The following STXBP5L variants were observed in gnomAD, a reference collection of about 807,000 sequenced individuals.
The protein encoded by STXBP5L is syntaxin-binding protein 5-like.
A neutral mutation model predicts 144.5 loss-of-function variants in STXBP5L; 65 were observed. The observed-to-expected ratio is 0.45, with a 90% CI of 0.37 to 0.55. The LOEUF (loss-of-function observed/expected upper bound fraction) is 0.55, where lower values mean the gene tolerates loss of function less well. Ranked by LOEUF, STXBP5L falls within the 20% of genes least tolerant of loss-of-function variation. The pLI, the probability that STXBP5L is intolerant of heterozygous loss-of-function variation, is 0.00. For missense variants in STXBP5L, 1,298 were observed against 1,405.5 expected, an observed-to-expected ratio of 0.92 and a Z score of 1.22; for synonymous variants, 505 against 469.6, an observed-to-expected ratio of 1.08 and a Z score of -0.97.
rs2051524987 is a variant in STXBP5L, at chr3:121,293,473, TTA to T, written c.2110+13518_2110+13519del. 2.7e-5 allele frequency among the ~76,000 whole-genome samples: 4 copies of T among 150,422 alleles called. No individual in the cohort carries two copies. The South Asian group carries it at 8.5e-4, about 32-fold the overall frequency. On this transcript the variant is annotated intron_variant, in intron 19 of 26. Coordinates refer to ENST00000471454, the MANE Select transcript of STXBP5L (RefSeq NM_001308330.2). ...ATTCAAATAGTACATTTTATAAACA[TTA>T]ATTAAACCTTAACAAGGCTATTTTT...
intron 5 of STXBP5L, among the ~76,000 whole-genome samples, chr3:121,092,868 T>C (rs1395999576): frequency 1.3e-5 from 2 of 152,368 alleles, no homozygotes; most frequent in South Asian, 4.1e-4. Flanking sequence ...AAGGGAATGC[T>C]TCCAGTATTT....
intron 9 of STXBP5L, among the ~76,000 whole-genome samples, chr3:121,188,800 A>T (rs1156460304): frequency 2.0e-5 from 3 of 152,196 alleles, no homozygotes; most frequent in African/African-American, 7.2e-5. Context: ...GTATTGATGG[A>T]ACATATCTCC....
intron 20 of STXBP5L, among the ~76,000 whole-genome samples, chr3:121,340,986 C>T (rs1484766267): frequency 1.3e-5 from 2 of 151,526 alleles, no homozygotes; most frequent in Non-Finnish European, 2.9e-5. Context: ...ATGGTAACCT[C>T]AAATAAAAAA....
intron 20 of STXBP5L, among the ~76,000 whole-genome samples, chr3:121,358,864 A>G (rs2045614766): frequency 6.6e-6 from 1 of 152,174 alleles, no homozygotes; most frequent in Non-Finnish European, 1.5e-5. Flanking sequence ...GCATATATGT[A>G]GCATGTTTTG....
chr3:121,103,124 CT>C (rs1324575058), intron 5 of STXBP5L, among the ~76,000 whole-genome samples: 1 of 152,098 alleles, frequency 6.6e-6, no homozygotes, highest in Middle Eastern at 3.2e-3. Context: ...AGTTCACCTA[CT>C]GTGGAAAGCA....
At chr3:121,332,215 G>T (rs1447059651) in intron 20 of STXBP5L, among the ~76,000 whole-genome samples, 1 of 151,664 alleles carries the variant, frequency 6.6e-6, no homozygotes, top group East Asian at 1.9e-4. Context: ...ACCCCCAAAA[G>T]ATCATACTAG....
intron 2 of STXBP5L, among the ~76,000 whole-genome samples, chr3:120,911,199 T>G (rs936465342): frequency 2.2e-4 from 34 of 152,114 alleles, no homozygotes; most frequent in Admixed American, 2.0e-3. Flanking sequence ...GGCATTGGGC[T>G]GTTGAGGTCA....
At chr3:120,963,423 C>G (rs1471984638) in intron 3 of STXBP5L, among the ~76,000 whole-genome samples, 3 of 152,048 alleles carry the variant, frequency 2.0e-5, no homozygotes, top group African/African-American at 7.2e-5. Flanking sequence ...ATAAATAGCT[C>G]TTATTATTTT....
intron 1 of STXBP5L, 106 bp from the exon 2 acceptor site, chr3:120,909,465 A>C: frequency 2.9e-6 from 3 of 1,017,460 alleles, no homozygotes. Flanking sequence ...AATGCTCATA[A>C]AATGGGGACT....
rs1239313967 is a variant in STXBP5L, at chr3:121,230,727, T to C, written c.1112-2889T>C. On this transcript the variant is annotated intron_variant, in intron 11 of 26. Transcript: ENST00000471454. ...ATACAAATAATGATCAAGCTTTAAA[T>C]AAAGCTTTAGCCATATGTCAGGCAT... is the stretch of plus-strand genomic sequence containing the variant. Among the ~76,000 whole-genome samples the C allele has an allele frequency of 2.6e-5, 4 of 152,190 alleles. No individual in the cohort carries two copies. In the East Asian group the frequency reaches 7.7e-4, roughly 29 times the overall value.
intron 2 of STXBP5L, among the ~76,000 whole-genome samples, chr3:120,932,741 T>C (rs1023676621): frequency 6.6e-6 from 1 of 152,092 alleles, no homozygotes; most frequent in African/African-American, 2.4e-5. Flanking sequence ...TAAAGACACA[T>C]GCACACGTAT....
chr3:120,913,080 T>G (rs1708928957), intron 2 of STXBP5L, among the ~76,000 whole-genome samples: 1 of 152,020 alleles, frequency 6.6e-6, no homozygotes, highest in Non-Finnish European at 1.5e-5. Context: ...TTTTTTTCTT[T>G]TTTAAAAACC....
chr3:121,300,054 G>GA (rs1473207371), intron 19 of STXBP5L, among the ~76,000 whole-genome samples: 10 of 149,568 alleles, frequency 6.7e-5, no homozygotes, highest in Admixed American at 1.3e-4. Flanking sequence ...ACCTACAAGA[G>GA]AAAATCTTAA....
chr3:121,322,712 G>A (rs1034420240), intron 20 of STXBP5L, among the ~76,000 whole-genome samples: 2 of 151,956 alleles, frequency 1.3e-5, no homozygotes, highest in Non-Finnish European at 2.9e-5. Context: ...GCGGATATAT[G>A]CCCAGTAATG....
At chr3:121,208,433 G>T (rs2048425751) in intron 10 of STXBP5L, among the ~76,000 whole-genome samples, 1 of 152,090 alleles carries the variant, frequency 6.6e-6, no homozygotes, top group African/African-American at 2.4e-5. Flanking sequence ...GTATACATAT[G>T]TAACAAACCT....
intron 3 of STXBP5L, among the ~76,000 whole-genome samples, chr3:120,963,476 C>A (rs1293690475): frequency 6.6e-6 from 1 of 152,124 alleles, no homozygotes; most frequent in Non-Finnish European, 1.5e-5. Context: ...GAGTTTTTAG[C>A]ATGAAAGGGT....
chr3:121,090,669 C>T (rs980818685), intron 5 of STXBP5L, among the ~76,000 whole-genome samples: 1 of 151,942 alleles, frequency 6.6e-6, no homozygotes, highest in African/African-American at 2.4e-5. Flanking sequence ...TAAGAGTAAT[C>T]ATTTTTGGTC....
chr3:121,292,846 G>T (rs889829862), intron 19 of STXBP5L, among the ~76,000 whole-genome samples: 1 of 152,106 alleles, frequency 6.6e-6, no homozygotes, highest in African/African-American at 2.4e-5. Flanking sequence ...GGCTGCAAAG[G>T]CATAAGAATG....
At chr3:120,972,148 T>C (rs1214930987) in intron 3 of STXBP5L, among the ~76,000 whole-genome samples, 2 of 152,136 alleles carry the variant, frequency 1.3e-5, no homozygotes, top group East Asian at 3.8e-4. Context: ...GCATTGAATA[T>C]GTACATTGAT....
Sources: gnomAD v4.1 joint callset for allele counts (sites outside exome capture counted in the v4.1 genomes callset) on GRCh38, gnomAD v4.1.1 for gene constraint, MANE v1.5 for transcripts, NCBI Gene and HGNC (gene_info 2026-07-23, HGNC 2026-07-21) for gene names.